The following SLC25A12 variants were observed in gnomAD, a reference collection of about 807,000 sequenced individuals.
The protein encoded by SLC25A12 is electrogenic aspartate/glutamate antiporter SLC25A12, mitochondrial.
Under a neutral mutation model 83.3 loss-of-function variants are expected in SLC25A12, and 32 were observed. The observed-to-expected ratio is 0.38, with a 90% confidence interval of 0.29 to 0.52. SLC25A12 has a LOEUF of 0.52. Among genes scored for constraint, SLC25A12 ranks in the 20% least tolerant of loss-of-function variants. The pLI is 0.84. For synonymous variants in SLC25A12, 267 were observed against 291.1 expected, an observed-to-expected ratio of 0.92 and a Z score of 0.84; for missense variants, 611 against 835.6, an observed-to-expected ratio of 0.73 and a Z score of 3.31.
At chr2:171,787,757 A>G (rs1690515683) in intron 16 of SLC25A12, 32 bp downstream of exon 16, 2 of 1,613,896 alleles carry the variant, frequency 1.2e-6, no homozygotes, top group Non-Finnish European at 8.5e-7. Flanking sequence ...AGAGCCAGCC[A>G]GCCATTCTGT....
intron 2 of SLC25A12, among the ~76,000 whole-genome samples, chr2:171,881,503 A>G (rs1685694410): frequency 6.6e-6 from 1 of 152,144 alleles, no homozygotes; most frequent in Non-Finnish European, 1.5e-5. Context: ...AACACGACCA[A>G]GAACAGTGGT....
intron 12 of SLC25A12, 46 bp from the exon 13 acceptor site, chr2:171,809,732 C>T (rs1276092807): frequency 7.2e-7 from 1 of 1,380,820 alleles, no homozygotes; most frequent in Non-Finnish European, 1.0e-6. Flanking sequence ...CCAACCATTT[C>T]TCTTCTGGCA....
At chr2:171,865,386 C>CAT (rs1235142032) in intron 3 of SLC25A12, among the ~76,000 whole-genome samples, 2 of 152,086 alleles carry the variant, frequency 1.3e-5, no homozygotes, top group Non-Finnish European at 1.5e-5. Context: ...AAAGGCTGGG[C>CAT]ATGGTAGCTC....
At chr2:171,873,324 TG>T in intron 2 of SLC25A12, among the ~76,000 whole-genome samples, 1 of 152,152 alleles carries the variant, frequency 6.6e-6, no homozygotes, top group Non-Finnish European at 1.5e-5. Context: ...GGCACGCACC[TG>T]TAGACCCAAC....
intron 13 of SLC25A12, among the ~76,000 whole-genome samples, chr2:171,805,321 G>A (rs1683802886): frequency 6.6e-6 from 1 of 152,126 alleles, no homozygotes; most frequent in African/African-American, 2.4e-5. Context: ...ATGTTGGCCA[G>A]GCTGGTCTCG....
intron 2 of SLC25A12, among the ~76,000 whole-genome samples, chr2:171,890,694 G>C (rs764008553): frequency 6.6e-6 from 1 of 152,128 alleles, no homozygotes; most frequent in Non-Finnish European, 1.5e-5. Flanking sequence ...TATTGCTCAG[G>C]TTGGTCTTGA....
At chr2:171,823,490 C>T (rs574350809) in intron 9 of SLC25A12, among the ~76,000 whole-genome samples, 60 of 152,292 alleles carry the variant, frequency 3.9e-4, no homozygotes, top group African/African-American at 1.4e-3. Context: ...TTAACCTTCA[C>T]AAATCTGTTT....
intron 9 of SLC25A12, among the ~76,000 whole-genome samples, chr2:171,819,859 T>C (rs1186312223): frequency 6.6e-6 from 1 of 151,872 alleles, no homozygotes; most frequent in East Asian, 1.9e-4. Flanking sequence ...ATACACAAAA[T>C]AAAGATAAAA....
chr2:171,881,147 T>TTGTTG (rs1553477530), intron 2 of SLC25A12, among the ~76,000 whole-genome samples: 2 of 151,970 alleles, frequency 1.3e-5, no homozygotes, highest in African/African-American at 4.8e-5. Context: ...ATTTTCTTTT[T>TTGTTG]TTGTTGTTGT....
intron 8 of SLC25A12, among the ~76,000 whole-genome samples, chr2:171,832,863 A>G (rs565824811): frequency 2.6e-5 from 4 of 152,266 alleles, no homozygotes; most frequent in South Asian, 2.1e-4. Flanking sequence ...GTCTTTTCCT[A>G]TAAGAATGTT....
intron 9 of SLC25A12, among the ~76,000 whole-genome samples, chr2:171,819,362 T>TTA (rs1311239954): frequency 3.5e-5 from 3 of 84,820 alleles, no homozygotes; most frequent in African/African-American, 1.2e-4. Context: ...TGTATTTATA[T>TTA]TATATATAAT....
intron 3 of SLC25A12, among the ~76,000 whole-genome samples, chr2:171,865,814 T>C (rs1455643309): frequency 6.6e-6 from 1 of 152,134 alleles, no homozygotes; most frequent in African/African-American, 2.4e-5. Flanking sequence ...TCCTCATATT[T>C]TTCAACATAA....
chr2:171,787,506 G>T, intron 17 of SLC25A12, 65 bp downstream of exon 17: 1 of 1,257,632 alleles, frequency 8.0e-7, no homozygotes, highest in Non-Finnish European at 1.2e-6. Flanking sequence ...TGCTTTTGTA[G>T]ACAGAACAAA....
rs1020793293 is a variant in SLC25A12 at position 171,857,252 on chromosome 2, T to G, written c.210-1303A>C. 7.9e-5 allele frequency among the ~76,000 whole-genome samples: 12 copies of G among 152,224 alleles called. No homozygotes were observed. The South Asian group carries it at 1.7e-3, about 21-fold the overall frequency. On this transcript the variant is annotated intron_variant, in intron 3 of 17. Transcript: ENST00000422440. Reference sequence around the variant, plus strand: ...TGGGCATGGTGGCACACACCTGTAATCCCAACAACTCAGGAGGCTGAGGTG... The same window carrying G: ...TGGGCATGGTGGCACACACCTGTAAGCCCAACAACTCAGGAGGCTGAGGTG...
intron 6 of SLC25A12, among the ~76,000 whole-genome samples, chr2:171,836,632 T>C (rs1684563232): frequency 1.3e-5 from 2 of 152,104 alleles, no homozygotes; most frequent in African/African-American, 4.8e-5. Flanking sequence ...TGATGATCCC[T>C]CCGGCAGACA....
At chr2:171,878,929 ACAAGCAC>A (rs1321327267) in intron 2 of SLC25A12, among the ~76,000 whole-genome samples, 1 of 152,212 alleles carries the variant, frequency 6.6e-6, no homozygotes, top group African/African-American at 2.4e-5. Context: ...CTTTCACTAC[ACAAGCAC>A]TCTACATAAG....
intron 2 of SLC25A12, among the ~76,000 whole-genome samples, chr2:171,880,210 CTT>C (rs1171098850): frequency 6.6e-6 from 1 of 152,126 alleles, no homozygotes; most frequent in Non-Finnish European, 1.5e-5. Flanking sequence ...ACCATTTTCT[CTT>C]TTTTTGTATG....
rs1382395907 is a variant in SLC25A12, at chr2:171,887,195, C to T, written c.66+6010G>A. Among the ~76,000 whole-genome samples, 3 of 152,176 alleles carry T rather than the reference C, an allele frequency of 2.0e-5. 1 individual carries two copies. Among genetic ancestry groups the T allele is most frequent in the Non-Finnish European group, 4.4e-5 (3 of 68,026 alleles). On this transcript the variant is annotated intron_variant, in intron 2 of 17. Coordinates refer to ENST00000422440, the MANE Select transcript of SLC25A12 (RefSeq NM_003705.5). ...TTAAAAATAAATGTTATTGTAAAAA[C>T]CCTAAGGAGGAATCGCCCTTTGCTT...
At chr2:171,815,649 G>A (rs1684036917) in intron 9 of SLC25A12, among the ~76,000 whole-genome samples, 1 of 152,034 alleles carries the variant, frequency 6.6e-6, no homozygotes, top group South Asian at 2.1e-4. Flanking sequence ...TTAAATCAGA[G>A]AATATTGATC....
Sources: gnomAD v4.1 joint callset for allele counts (sites outside exome capture counted in the v4.1 genomes callset) on GRCh38, gnomAD v4.1.1 for gene constraint, MANE v1.5 for transcripts, NCBI Gene and HGNC (gene_info 2026-07-23, HGNC 2026-07-21) for gene names.